TRIO: variants seen among roughly 807,000 people sequenced by gnomAD.
TRIO encodes trio Rho guanine nucleotide exchange factor, also known as triple functional domain protein.
Under a neutral mutation model 351.9 loss-of-function variants are expected in TRIO, and 58 were observed. That is an observed-to-expected ratio of 0.16 (90% CI 0.13 to 0.21). The LOEUF (loss-of-function observed/expected upper bound fraction) is 0.21. TRIO is among the 10% of genes least tolerant of loss of function. The pLI, the probability that TRIO is intolerant of heterozygous loss-of-function variation, is 1.00. For missense variants in TRIO, 3,201 were observed against 4,027.8 expected (o/e 0.79, Z 5.56); for synonymous variants, 1,758 against 1,595.7 (o/e 1.10, Z -2.42).
chr5:14,361,697 C>T (rs1197942318), intron 13 of TRIO, among the ~76,000 whole-genome samples: 1 of 152,204 alleles, frequency 6.6e-6, no homozygotes, highest in Non-Finnish European at 1.5e-5. Flanking sequence ...GATGGAGGTC[C>T]AGTGTGGACA....
chr5:14,403,651 G>A (rs1748399310), intron 31 of TRIO, among the ~76,000 whole-genome samples: 1 of 139,042 alleles, frequency 7.2e-6, no homozygotes, highest in Non-Finnish European at 1.6e-5. Flanking sequence ...TGCAGGTGGT[G>A]GTGAGGGTGC....
At chr5:14,245,417 G>A (rs1356491837) in intron 1 of TRIO, among the ~76,000 whole-genome samples, 1 of 152,192 alleles carries the variant, frequency 6.6e-6, no homozygotes, top group Non-Finnish European at 1.5e-5. Flanking sequence ...ATTCAGGGGA[G>A]TGCTTGCAGT....
intron 1 of TRIO, among the ~76,000 whole-genome samples, chr5:14,233,177 G>T (rs1793557730): frequency 6.6e-6 from 1 of 152,020 alleles, no homozygotes; most frequent in Non-Finnish European, 1.5e-5. Context: ...GAAATGATGG[G>T]CTGCTGAAGG....
chr5:14,498,094 C>T lies in TRIO; in HGVS notation c.8053C>T (p.Pro2685Ser). 6.2e-7 allele frequency: 1 copy of T among 1,614,126 alleles called. No individual in the cohort carries two copies. Reference protein sequence around the residue: ...LNPNYIYDVPPEFVIPLSEVT... With the variant: ...LNPNYIYDVPSEFVIPLSEVT... ...CCGACTCCTTTCCCATGCAGTTCCC[C>T]CAGAATTCGTCATTCCATTGAGTGA... Residue 2685 changes from proline to serine, a missense_variant, in exon 52 of 57, where the codon CCA becomes TCA. Transcript: ENST00000344204.
At position 14,330,858 on chromosome 5, in the gene TRIO, A is replaced by G. The variant is rs1304144730; in HGVS notation, c.1812A>G (p.Arg604=). 1.2e-6 allele frequency: 2 copies of G among 1,614,074 alleles called. No homozygotes were observed. Among genetic ancestry groups the G allele is most frequent in the African/African-American group, 2.7e-5 (2 of 74,944 alleles). ...TGGGGAAATCTCTTCATCGGGCCAG[A>G]GCATTGCAGAAACGTCATGAAGATT... ...TGVGKSLHRA[R]ALQKRHEDFE... The change falls in exon 10 of 57, where the codon AGA becomes AGG. Residue 604 remains arginine (R), a synonymous_variant. Transcript: ENST00000344204.
In TRIO at chr5:14,500,763, G is replaced by A. The variant is rs928033758; in HGVS notation, c.8333-1816G>A. Among the ~76,000 whole-genome samples, 8 of 151,838 alleles carry A rather than the reference G, an allele frequency of 5.3e-5. No homozygotes were observed. In the East Asian group the frequency reaches 5.8e-4, roughly 11 times the overall value. ...ATTAGCTGGGTGTGGTGGTGTGCGCGTGTGGTCCCAACTACTCTGGAGGCT... is the reference window on the plus strand; with the variant it reads ...ATTAGCTGGGTGTGGTGGTGTGCGCATGTGGTCCCAACTACTCTGGAGGCT... On this transcript the variant is annotated intron_variant, in intron 53 of 56. Coordinates refer to ENST00000344204, the MANE Select transcript of TRIO (RefSeq NM_007118.4).
At chr5:14,257,675 T>A (rs1795104076) in intron 1 of TRIO, among the ~76,000 whole-genome samples, 2 of 152,308 alleles carry the variant, frequency 1.3e-5, no homozygotes, top group South Asian at 4.1e-4. Context: ...GGAGAAGTTA[T>A]GGAGAAATTA....
intron 55 of TRIO, among the ~76,000 whole-genome samples, chr5:14,505,797 C>T (rs539252587): frequency 6.6e-6 from 1 of 152,316 alleles, no homozygotes; most frequent in African/African-American, 2.4e-5. Flanking sequence ...AGAACCTCCC[C>T]CAGCACATGG....
chr5:14,191,023 C>T (rs1049603716), intron 1 of TRIO, among the ~76,000 whole-genome samples: 4 of 152,162 alleles, frequency 2.6e-5, no homozygotes, highest in African/African-American at 4.8e-5. Flanking sequence ...TCCAAAGGGG[C>T]AGCTGCAGGA....
At chr5:14,462,491 C>CT (rs1753902492) in intron 35 of TRIO, among the ~76,000 whole-genome samples, 1 of 152,218 alleles carries the variant, frequency 6.6e-6, no homozygotes, top group African/African-American at 2.4e-5. Flanking sequence ...CAAAGATGAG[C>CT]TGTGTTCAGA....
At chr5:14,324,792 A>T (rs1740218619) in intron 9 of TRIO, among the ~76,000 whole-genome samples, 1 of 152,238 alleles carries the variant, frequency 6.6e-6, no homozygotes, top group African/African-American at 2.4e-5. Flanking sequence ...GAAAAGTAAC[A>T]CAGTGTACAA....
chr5:14,276,059 T>C (rs1735495677), intron 2 of TRIO, among the ~76,000 whole-genome samples: 1 of 151,346 alleles, frequency 6.6e-6, no homozygotes, highest in Non-Finnish European at 1.5e-5. Flanking sequence ...GTTTTTTTTT[T>C]TTCTTTTAGA....
At chr5:14,414,273 T>C (rs1749452946) in intron 33 of TRIO, among the ~76,000 whole-genome samples, 1 of 152,248 alleles carries the variant, frequency 6.6e-6, no homozygotes. Flanking sequence ...TGGGATATGC[T>C]AAAAGCAAGA....
At chr5:14,377,442 C>T (rs1007671714) in intron 19 of TRIO, among the ~76,000 whole-genome samples, 3 of 152,020 alleles carry the variant, frequency 2.0e-5, no homozygotes, top group Non-Finnish European at 2.9e-5. Context: ...GACAGAGTTT[C>T]GCTATGTTGG....
chr5:14,452,497 G>C (rs375134410), intron 34 of TRIO, among the ~76,000 whole-genome samples: 2 of 152,348 alleles, frequency 1.3e-5, no homozygotes, highest in South Asian at 4.1e-4. Flanking sequence ...AGGGGTGTTA[G>C]TGGAACCCCG....
chr5:14,416,781 C>T (rs1046974279), intron 33 of TRIO, among the ~76,000 whole-genome samples: 19 of 152,254 alleles, frequency 1.2e-4, no homozygotes, highest in South Asian at 4.2e-4. Flanking sequence ...GGCTTTGAGC[C>T]GTCTGGAAAA....
intron 1 of TRIO, among the ~76,000 whole-genome samples, chr5:14,248,755 A>G (rs1253974287): frequency 6.6e-6 from 1 of 152,230 alleles, no homozygotes; most frequent in Non-Finnish European, 1.5e-5. Flanking sequence ...GGTGTGTGCT[A>G]CAGTGGTGCT....
intron 34 of TRIO, among the ~76,000 whole-genome samples, chr5:14,456,228 C>A (rs1753292237): frequency 6.6e-6 from 1 of 152,248 alleles, no homozygotes; most frequent in African/African-American, 2.4e-5. Context: ...GAGCACCGCA[C>A]ACAGCCCCAG....
At chr5:14,184,197 T>C (rs1241264863) in intron 1 of TRIO, among the ~76,000 whole-genome samples, 1 of 152,026 alleles carries the variant, frequency 6.6e-6, no homozygotes, top group Non-Finnish European at 1.5e-5. Flanking sequence ...GATTTAGAAA[T>C]GTTTTTTTAA....
Sources: gnomAD v4.1 joint callset for allele counts (sites outside exome capture counted in the v4.1 genomes callset) on GRCh38, gnomAD v4.1.1 for gene constraint, MANE v1.5 for transcripts, NCBI Gene and HGNC (gene_info 2026-07-23, HGNC 2026-07-21) for gene names.